TLN1: variants seen among roughly 807,000 people sequenced by gnomAD.
TLN1 encodes talin 1.
In TLN1, 56 loss-of-function variants were observed where a neutral mutation model predicts 292.3. The observed-to-expected ratio is 0.19, with a 90% confidence interval of 0.15 to 0.24. TLN1 has a LOEUF of 0.24. TLN1 is among the 10% of genes least tolerant of loss of function. The pLI, the probability that TLN1 is intolerant of heterozygous loss-of-function variation, is 1.00. For missense variants in TLN1, 2,433 were observed against 3,248.2 expected, an observed-to-expected ratio of 0.75 and a Z score of 6.10; for synonymous variants, 1,119 against 1,253.7, an observed-to-expected ratio of 0.89 and a Z score of 2.27.
rs1251531404 is a variant in TLN1, at chr9:35,697,644, G to A, written c.*147C>T. On this transcript the variant is annotated 3_prime_UTR_variant, in exon 57 of 57. Coordinates refer to ENST00000314888, the MANE Select transcript of TLN1 (RefSeq NM_006289.4). The stretch of plus-strand genomic sequence containing the variant: ...GGGGAGGGGACAGGGGATGTACTGC[G>A]GGACTGGGCGGGGCCAGGCCCTGGG... 6.6e-6 allele frequency: 8 copies of A among 1,207,868 alleles called. No individual in the cohort carries two copies. Among genetic ancestry groups the A allele is most frequent in the African/African-American group, 3.0e-5 (2 of 65,592 alleles). 74.8% of individuals were successfully genotyped at this position (1,207,868 alleles called of 1,614,324 possible).
chr9:35,698,415 A>G lies in TLN1; in HGVS notation c.7279T>C (p.Ser2427Pro), dbSNP rs753329869. 25 of 1,614,028 alleles carry G rather than the reference A, an allele frequency of 1.5e-5. No individual in the cohort carries two copies. The highest frequency in any genetic ancestry group is 3.3e-5 in the Admixed American group (2 of 59,992). Residue 2427 changes from serine to proline, a missense_variant, in exon 55 of 57, where the codon TCA (serine) becomes CCA (proline). Coordinates refer to ENST00000314888, the MANE Select transcript of TLN1 (RefSeq NM_006289.4). This position sits in a 1 kb window ranked among gnomAD's most constrained non-coding sequence, Gnocchi z 5.3. The stretch of plus-strand genomic sequence containing the variant: ...GTGGAGGCAGCTACCTGCTTGGCTG[A>G]TGAGATGAGCTTCTCCTGGCTGGCA... ...GHASQEKLISSAKQVAASTAQ... is the reference protein window; with the variant it reads ...GHASQEKLISPAKQVAASTAQ...
intron 1 of TLN1, among the ~76,000 whole-genome samples, chr9:35,728,884 G>T (rs1826022436): frequency 6.6e-6 from 1 of 152,148 alleles, no homozygotes. Context: ...TCCACGAGAT[G>T]AGTGAATAAG....
chr9:35,719,521 G>A lies in TLN1; in HGVS notation c.1685C>T (p.Ala562Val), dbSNP rs1292680149. 6.2e-7 allele frequency: 1 copy of A among 1,613,544 alleles called. No individual in the cohort carries two copies. The highest frequency in any genetic ancestry group is 8.5e-7 in the Non-Finnish European group (1 of 1,179,580). Residue 562 changes from alanine to valine, a missense_variant and splice_region_variant, in exon 15 of 57, where the codon GCA becomes GTA. Ala to Val is a moderately conservative substitution (Grantham distance 64). Transcript: ENST00000314888. This position sits in a 1 kb window ranked among gnomAD's most constrained non-coding sequence, Gnocchi z 4.6. ...CCGGAAGCTAGCATCCGGCCTACCT[G>A]CTGTCAGGTTCACCACAGACGCAGT... ...AGTASVVNLTAGDPAETDYTA... is the reference protein window; with the variant it reads ...AGTASVVNLTVGDPAETDYTA...
chr9:35,710,707 G>A, intron 32 of TLN1, 24 bp from the exon 33 acceptor site: 1 of 1,613,916 alleles, frequency 6.2e-7, no homozygotes, highest in Non-Finnish European at 8.5e-7. Flanking sequence ...GACATCAGGG[G>A]AGTCAGAGCA....
At chr9:35,725,958 G>C (rs530383464) in intron 1 of TLN1, among the ~76,000 whole-genome samples, 1 of 152,242 alleles carries the variant, frequency 6.6e-6, no homozygotes, top group East Asian at 1.9e-4. Flanking sequence ...TGTTGCCCAG[G>C]CTAGAGTACA....
rs1217712104 is a variant in TLN1 at position 35,706,100 on chromosome 9, G to T, written c.5373C>A (p.His1791Gln). Residue 1791 changes from histidine to glutamine, a missense_variant, in exon 41 of 57, where the codon CAC becomes CAA. By Grantham distance (24) the His-to-Gln change is conservative (BLOSUM62 0). Around this residue, in one of 7 missense-constraint regions of TLN1, gnomAD observed 1,384 missense variants for 1,699.6 expected, o/e 0.81. Coordinates refer to ENST00000314888, the MANE Select transcript of TLN1 (RefSeq NM_006289.4). The surrounding 1 kb of genome is among the most constrained non-coding windows in gnomAD (Gnocchi z 4.2). ...EAGGNPKQAA[H>Q]TQEALEEAVQ... ...CAGCCTCCTCCAGGGCTTCCTGGGT[G>T]TGAGCTGCTTGCTGTGGGGAGAGGA... 1.2e-6 allele frequency: 2 copies of T among 1,614,168 alleles called. No homozygotes were observed. Among genetic ancestry groups the T allele is most frequent in the Admixed American group, 3.3e-5 (2 of 60,026 alleles).
Position 35,707,658 on chromosome 9 carries a change from G to T in TLN1, c.4632+73C>A, listed in dbSNP as rs1248406496. The T allele has an allele frequency of 1.2e-6, 2 of 1,604,008 alleles. No individual in the cohort carries two copies. The highest frequency in any genetic ancestry group is 4.5e-5 in the East Asian group (2 of 44,730). On this transcript the variant is annotated intron_variant, in intron 35 of 56. Coordinates refer to ENST00000314888, the MANE Select transcript of TLN1 (RefSeq NM_006289.4). This position sits in a 1 kb window ranked among gnomAD's most constrained non-coding sequence, Gnocchi z 5.6. ...AGAGGGGATTTGGTAGAAGGCTTCA[G>T]AGAATAACTGGGGGACTCGGGGGAG...
chr9:35,700,714 G>A (rs1450130359), intron 48 of TLN1, among the ~76,000 whole-genome samples: 3 of 152,136 alleles, frequency 2.0e-5, no homozygotes, highest in Admixed American at 6.6e-5. Context: ...ATGTCACATC[G>A]GAAAGTATCA....
rs772559249 is a variant in TLN1 at position 35,707,720 on chromosome 9, G to A, written c.4632+11C>T. On this transcript the variant is annotated intron_variant, in intron 35 of 56. Transcript: ENST00000314888. This position sits in a 1 kb window ranked among gnomAD's most constrained non-coding sequence, Gnocchi z 5.6. ...GGTCAGGGAGAGGCTGGGAATTCAA[G>A]CAATGGGAACCTTGATGGTCTTGAC... The A allele has an allele frequency of 5.6e-6, 9 of 1,614,020 alleles. No homozygotes were observed. The East Asian group carries it at 8.9e-5, about 16-fold the overall frequency.
intron 10 of TLN1, among the ~76,000 whole-genome samples, chr9:35,721,184 T>C (rs1201035122): frequency 2.6e-5 from 4 of 152,246 alleles, no homozygotes; most frequent in Admixed American, 1.3e-4. Context: ...ATTGAGAGGA[T>C]ATAATATTTG....
chr9:35,717,209 C>A lies in TLN1; in HGVS notation c.2395G>T (p.Asp799Tyr). The change falls in exon 19 of 57, where the codon GAC (aspartate) becomes TAC (tyrosine). Residue 799 changes from aspartate (D) to tyrosine (Y), a missense_variant. This residue lies in a region of TLN1 where 617 missense variants were observed against 770.6 expected (regional missense o/e 0.80). Transcript: ENST00000314888. The surrounding 1 kb of genome is among the most constrained non-coding windows in gnomAD (Gnocchi z 4.7). ...ATGAGPAGRYDQATDTILTVT... is the reference protein window; with the variant it reads ...ATGAGPAGRYYQATDTILTVT... ...GTTAGGATGGTGTCAGTAGCCTGGTCATAACGGCCAGCAGGCCCAGCCCCT... is the reference window on the plus strand; with the variant it reads ...GTTAGGATGGTGTCAGTAGCCTGGTAATAACGGCCAGCAGGCCCAGCCCCT... 3 of 1,613,946 alleles carry A rather than the reference C, an allele frequency of 1.9e-6. No homozygotes were observed. In the South Asian group the frequency reaches 3.3e-5, roughly 18 times the overall value.
intron 48 of TLN1, 120 bp downstream of exon 48, chr9:35,703,440 A>G (rs1332249533): frequency 1.0e-6 from 1 of 981,526 alleles, no homozygotes; most frequent in Non-Finnish European, 1.6e-6. Flanking sequence ...AAGTCTGGCG[A>G]TAGATGAGAG....
intron 33 of TLN1, among the ~76,000 whole-genome samples, chr9:35,710,309 T>A (rs1825645003): frequency 6.6e-6 from 1 of 151,710 alleles, no homozygotes; most frequent in Non-Finnish European, 1.5e-5. Context: ...GAAAGCCAGC[T>A]GGAAAAGGCC....
chr9:35,722,356 G>A (rs956064636), intron 8 of TLN1, 133 bp from the exon 9 acceptor site: 6 of 776,284 alleles, frequency 7.7e-6, no homozygotes, highest in Middle Eastern at 2.3e-4. Context: ...ATATGAGAAC[G>A]AGAGGGTAAC....
intron 49 of TLN1, 33 bp downstream of exon 49, chr9:35,700,158 G>T (rs753524036): frequency 5.0e-6 from 8 of 1,592,234 alleles, no homozygotes; most frequent in Non-Finnish European, 6.9e-6. Context: ...CTGGCCCAAA[G>T]CTGCCTCACG....
chr9:35,711,985 AC>A lies in TLN1; in HGVS notation c.3681+19del. 1.9e-6 allele frequency: 3 copies of A among 1,611,960 alleles called. No homozygotes were observed. The highest frequency in any genetic ancestry group is 2.5e-6 in the Non-Finnish European group (3 of 1,179,392). On this transcript the variant is annotated intron_variant, in intron 28 of 56. Coordinates refer to ENST00000314888, the MANE Select transcript of TLN1 (RefSeq NM_006289.4). ...CATTCTTTGACTCCTACGTTCCCCC[AC>A]CCCCTACCGTCCTCCTACCGAGTCA...
chr9:35,718,995 C>T, intron 16 of TLN1, 79 bp downstream of exon 16: 1 of 1,597,472 alleles, frequency 6.3e-7, no homozygotes, highest in Non-Finnish European at 8.6e-7. Context: ...ACCCAGGCTT[C>T]CATCCTGTGG....
At position 35,698,740 on chromosome 9, in the gene TLN1, C is replaced by G; in HGVS notation, c.7126-61G>C. The G allele has an allele frequency of 6.2e-7, 1 of 1,614,068 alleles. No homozygotes were observed. Among genetic ancestry groups the G allele is most frequent in the Non-Finnish European group, 8.5e-7 (1 of 1,179,960 alleles). ...TTTCCTCACTTCAAAGACTCGCTGG[C>G]TATGGATGTGGATGTGGACATCAAA... On this transcript the variant is annotated intron_variant, in intron 53 of 56. Transcript: ENST00000314888. This position sits in a 1 kb window ranked among gnomAD's most constrained non-coding sequence, Gnocchi z 5.3.
Position 35,719,989 on chromosome 9 carries a change from C to G in TLN1, c.1464+50G>C. 10 of 1,583,526 alleles carry G rather than the reference C, an allele frequency of 6.3e-6. No homozygotes were observed. Among genetic ancestry groups the G allele is most frequent in the Non-Finnish European group, 7.7e-6 (9 of 1,163,270 alleles). ...CTGCCTAACTCCTGGCTCGGCCCAG[C>G]TGAGGGTGAGAGAAGGGCCCTGGCA... is the stretch of plus-strand genomic sequence containing the variant. On this transcript the variant is annotated intron_variant, in intron 13 of 56. Coordinates refer to ENST00000314888, the MANE Select transcript of TLN1 (RefSeq NM_006289.4). The surrounding 1 kb of genome is among the most constrained non-coding windows in gnomAD (Gnocchi z 4.6).
Sources: gnomAD v4.1 joint callset for allele counts (sites outside exome capture counted in the v4.1 genomes callset) on GRCh38, gnomAD v4.1.1 for gene constraint, gnomAD v4.1.1 regional missense constraint, Gnocchi (gnomAD v3.1) non-coding constraint, MANE v1.5 for transcripts, NCBI Gene and HGNC (gene_info 2026-07-23, HGNC 2026-07-21) for gene names.